The following TRIM37 variants were observed in gnomAD, a reference collection of about 807,000 sequenced individuals.
TRIM37 encodes tripartite motif containing 37.
In TRIM37, 80 loss-of-function variants were observed where a neutral mutation model predicts 129.8. The ratio of observed to expected loss-of-function variants is 0.62; its 90% CI spans 0.51 to 0.74. The LOEUF (loss-of-function observed/expected upper bound fraction) is 0.74, where lower values mean the gene tolerates loss of function less well. TRIM37 is among the 30% of genes least tolerant of loss of function. TRIM37 has a pLI of 0.00. For synonymous variants in TRIM37, 389 were observed against 387.1 expected (o/e 1.00, Z -0.06); for missense variants, 1,054 against 1,176.5 (o/e 0.90, Z 1.52).
At chr17:58,989,272 C>T (rs1293877523) in intron 24 of TRIM37, among the ~76,000 whole-genome samples, 1 of 151,960 alleles carries the variant, frequency 6.6e-6, no homozygotes, top group Non-Finnish European at 1.5e-5. Context: ...CCCGTCTCTA[C>T]TAAAAATACA....
At chr17:58,980,306 G>A (rs1180408706), downstream of TRIM37, 1 of 1,614,138 alleles carries the variant, frequency 6.2e-7, no homozygotes, top group Admixed American at 1.7e-5. This position sits in a 1 kb window ranked among gnomAD's most constrained non-coding sequence, Gnocchi z 4.7. Flanking sequence ...GCAAGAAGAT[G>A]GTGGGGATGA....
intron 10 of TRIM37, 129 bp downstream of exon 10, chr17:59,064,226 A>G: frequency 1.4e-6 from 1 of 727,078 alleles, no homozygotes; most frequent in Non-Finnish European, 2.3e-6. Context: ...TTCTAATAGG[A>G]AACTTATTCT....
chr17:59,069,492 C>T (rs1216295740), intron 9 of TRIM37, among the ~76,000 whole-genome samples: 1 of 152,090 alleles, frequency 6.6e-6, no homozygotes, highest in Admixed American at 6.5e-5. Flanking sequence ...AGACTGTTTT[C>T]TAAATGTGCC....
At chr17:59,052,213 TA>T (rs35673171) in intron 13 of TRIM37, among the ~76,000 whole-genome samples, 93,401 of 143,896 alleles carry the variant, frequency 0.65, 30,312 homozygotes, top group African/African-American at 0.77. Context: ...TTGTTTTAAT[TA>T]AAAAAAAAAA....
the TRIM37 span, chr17:58,969,415 C>T: frequency 1.1e-6 from 1 of 917,280 alleles, no homozygotes. Flanking sequence ...AACATTTAGT[C>T]TCATTATTCT....
In TRIM37 at chr17:59,028,640, G is replaced by A. The variant is rs758323644; in HGVS notation, c.2032C>T (p.Leu678Phe). 3.1e-6 allele frequency: 5 copies of A among 1,614,174 alleles called. No homozygotes were observed. The highest frequency in any genetic ancestry group is 4.2e-6 in the Non-Finnish European group (5 of 1,180,024). ...CGAACTTCGGCCATTTGAGTTTTGA[G>A]TCTTTTTAGCATCTTTAAATCAGAG... is the stretch of plus-strand genomic sequence containing the variant. ...VPSDLKMLKR[L>F]KTQMAEVRCM... Residue 678 changes from leucine (L) to phenylalanine (F), a missense_variant, in exon 19 of 24, where the codon CTC becomes TTC. Coordinates refer to ENST00000262294, the MANE Select transcript of TRIM37 (RefSeq NM_015294.6).
At chr17:59,106,371 C>G (rs1223683206) in intron 1 of TRIM37, 70 bp downstream of exon 1, 4 of 1,597,794 alleles carry the variant, frequency 2.5e-6, no homozygotes, top group Non-Finnish European at 3.4e-6. Context: ...GACATGGGCA[C>G]GACTCCCCGA....
In TRIM37 at chr17:58,999,033, C is replaced by T. The variant is rs886053174; in HGVS notation, c.*344G>A. 8.9e-5 allele frequency: 101 copies of T among 1,130,726 alleles called. No homozygotes were observed. The African/African-American group carries it at 1.1e-3, about 13-fold the overall frequency. 70.0% of individuals were successfully genotyped at this position (1,130,726 alleles called of 1,614,324 possible). ...GCACCAATGCCGGGCGGGTTACTGA[C>T]GGCATGCAGGGCCTGGAGGTACATT... On this transcript the variant is annotated 3_prime_UTR_variant, in exon 24 of 24. Transcript: ENST00000262294.
At chr17:58,973,093 A>G in the TRIM37 span, among the ~76,000 whole-genome samples, 1 of 152,266 alleles carries the variant, frequency 6.6e-6, no homozygotes, top group East Asian at 1.9e-4. Flanking sequence ...ATTTAGTTAA[A>G]CCTGTACATT....
At chr17:59,081,274 ATTCC>A in intron 5 of TRIM37, 55 bp from the exon 6 acceptor site, 38 of 1,594,004 alleles carry the variant, frequency 2.4e-5, no homozygotes, top group Non-Finnish European at 3.2e-5. Flanking sequence ...CTGCATTTAC[ATTCC>A]TTTGTAACAC....
intron 22 of TRIM37, among the ~76,000 whole-genome samples, chr17:59,004,743 G>C (rs144992770): frequency 1.1e-4 from 17 of 152,274 alleles, no homozygotes; most frequent in Non-Finnish European, 2.4e-4. Context: ...AGGAAAAATC[G>C]ATGGGTATTT....
chr17:59,062,539 A>T, intron 11 of TRIM37, 28 bp downstream of exon 11: 1 of 1,590,508 alleles, frequency 6.3e-7, no homozygotes, highest in African/African-American at 1.3e-5. Context: ...CTTGGTTTCA[A>T]AATTTATTAG....
At chr17:58,967,679 T>A in the TRIM37 span, among the ~76,000 whole-genome samples, 2 of 152,032 alleles carry the variant, frequency 1.3e-5, no homozygotes, top group African/African-American at 4.8e-5. Flanking sequence ...AAGCTATCCT[T>A]TTTTTATTTT....
At chr17:59,047,607 T>A in intron 16 of TRIM37, 76 bp downstream of exon 16, 1 of 1,446,686 alleles carries the variant, frequency 6.9e-7, no homozygotes, top group Non-Finnish European at 9.5e-7. Context: ...TATCCCTACA[T>A]TTAAGTGTGA....
chr17:59,043,747 A>C (rs1300966234), intron 16 of TRIM37, among the ~76,000 whole-genome samples: 1 of 152,160 alleles, frequency 6.6e-6, no homozygotes, highest in Non-Finnish European at 1.5e-5. Context: ...TGGAGGTCCC[A>C]AGCCTGAAAA....
At chr17:59,056,716 CAAAAAAAAAAAAAAAAAAAA>C (rs869221576) in intron 13 of TRIM37, among the ~76,000 whole-genome samples, 139 bp downstream of exon 13, 6 of 38,038 alleles carry the variant, frequency 1.6e-4, no homozygotes, top group African/African-American at 4.0e-4. Context: ...ACTATGTCTC[CAAAAAAAAAAAAAAAAAAAA>C]AAAAAAAAAA....
intron 15 of TRIM37, among the ~76,000 whole-genome samples, 165 bp downstream of exon 15, chr17:59,049,013 A>G (rs1325660002): frequency 6.6e-6 from 1 of 152,180 alleles, no homozygotes; most frequent in Non-Finnish European, 1.5e-5. Context: ...TGATTCAACA[A>G]CTTCTGACTT....
At chr17:59,042,316 A>G (rs963873172) in intron 16 of TRIM37, among the ~76,000 whole-genome samples, 12 of 148,702 alleles carry the variant, frequency 8.1e-5, no homozygotes, top group Non-Finnish European at 1.6e-4. Flanking sequence ...GCAAGCTTGC[A>G]GTGAGCCAAG....
intron 18 of TRIM37, among the ~76,000 whole-genome samples, chr17:59,030,158 T>A (rs901028951): frequency 3.3e-5 from 5 of 152,038 alleles, no homozygotes; most frequent in African/African-American, 1.2e-4. Context: ...CAGGCTGGAG[T>A]GCAATGGCAC....
Sources: allele counts gnomAD v4.1 joint callset (sites outside exome capture counted in the v4.1 genomes callset), GRCh38; gene constraint gnomAD v4.1.1; non-coding constraint Gnocchi (gnomAD v3.1); transcripts MANE v1.5; gene names NCBI Gene and HGNC (gene_info 2026-07-23, HGNC 2026-07-21).